VAV3: variants seen among roughly 807,000 people sequenced by gnomAD.
VAV3 encodes the protein guanine nucleotide exchange factor VAV3.
VAV3 carries 94 observed loss-of-function variants against 131.2 expected under a neutral mutation model. That is an observed-to-expected ratio of 0.72 (90% CI 0.61 to 0.85). The LOEUF is 0.85. Among genes scored for constraint, VAV3 ranks in the 40% least tolerant of loss-of-function variants. The pLI is 0.00. For synonymous variants in VAV3, 349 were observed against 342.0 expected, an observed-to-expected ratio of 1.02 and a Z score of -0.22; for missense variants, 939 against 1,002.7, an observed-to-expected ratio of 0.94 and a Z score of 0.86.
intron 15 of VAV3, among the ~76,000 whole-genome samples, chr1:107,726,655 G>C (rs531775868): frequency 6.6e-6 from 1 of 152,174 alleles, no homozygotes; most frequent in African/African-American, 2.4e-5. Context: ...TGCAAGATAC[G>C]ATATGTTTTA....
intron 24 of VAV3, among the ~76,000 whole-genome samples, chr1:107,597,238 A>G (rs1167333900): frequency 2.0e-5 from 3 of 151,564 alleles, no homozygotes; most frequent in Admixed American, 1.3e-4. Flanking sequence ...AAAAAAAAAA[A>G]ACAGAAAAAA....
At chr1:107,578,154 T>C (rs1172140398) in intron 25 of VAV3, among the ~76,000 whole-genome samples, 2 of 152,204 alleles carry the variant, frequency 1.3e-5, no homozygotes, top group Admixed American at 6.5e-5. Flanking sequence ...TTAGTTATTC[T>C]TAGAATCAAT....
intron 1 of VAV3, among the ~76,000 whole-genome samples, chr1:107,876,785 T>C (rs1421106889): frequency 6.6e-6 from 1 of 152,106 alleles, no homozygotes; most frequent in Non-Finnish European, 1.5e-5. Flanking sequence ...TTTAAATAGA[T>C]GCATTTTATT....
At chr1:107,746,205 A>T (rs1214606086) in intron 15 of VAV3, among the ~76,000 whole-genome samples, 1 of 152,206 alleles carries the variant, frequency 6.6e-6, no homozygotes, top group African/African-American at 2.4e-5. Flanking sequence ...GCTTTCCTAC[A>T]TGATGAACTT....
At chr1:107,847,351 C>T (rs762492661) in intron 2 of VAV3, among the ~76,000 whole-genome samples, 4 of 151,942 alleles carry the variant, frequency 2.6e-5, no homozygotes, top group Admixed American at 2.6e-4. Flanking sequence ...CCTAATATCA[C>T]GGTTAAAAGA....
intron 4 of VAV3, among the ~76,000 whole-genome samples, chr1:107,776,843 C>T (rs1164507721): frequency 1.3e-5 from 2 of 152,162 alleles, no homozygotes; most frequent in African/African-American, 2.4e-5. Context: ...TAAAACATCC[C>T]GAATAGCTCC....
At chr1:107,673,110 A>C (rs956352728) in intron 19 of VAV3, among the ~76,000 whole-genome samples, 1 of 152,236 alleles carries the variant, frequency 6.6e-6, no homozygotes, top group Non-Finnish European at 1.5e-5. Flanking sequence ...ATTTATAAAA[A>C]TAAAAATTAG....
rs566590137 is a variant in VAV3 at position 107,937,442 on chromosome 1, T to C, written c.204+27224A>G. Among the ~76,000 whole-genome samples, 6 of 152,340 alleles carry C rather than the reference T, an allele frequency of 3.9e-5. No individual in the cohort carries two copies. The East Asian group carries it at 1.2e-3, about 29-fold the overall frequency. On this transcript the variant is annotated intron_variant, in intron 1 of 26. Coordinates refer to ENST00000370056, the MANE Select transcript of VAV3 (RefSeq NM_006113.5). Reference sequence around the variant, plus strand: ...AAATACCAGTATGTCATTTCCTTCCTGCTGGACTCCATGGTTTCTGGAGGA... The same window carrying C: ...AAATACCAGTATGTCATTTCCTTCCCGCTGGACTCCATGGTTTCTGGAGGA...
At chr1:107,736,516 G>A (rs1301897254) in intron 15 of VAV3, among the ~76,000 whole-genome samples, 1 of 152,128 alleles carries the variant, frequency 6.6e-6, no homozygotes, top group African/African-American at 2.4e-5. Context: ...AAAGTCTCAG[G>A]ATACAAAATC....
intron 2 of VAV3, among the ~76,000 whole-genome samples, chr1:107,842,967 A>C (rs1003396409): frequency 6.6e-6 from 1 of 152,154 alleles, no homozygotes; most frequent in African/African-American, 2.4e-5. Flanking sequence ...ATCTATGATG[A>C]GAGCAGAAGC....
chr1:107,912,648 T>C lies in VAV3; in HGVS notation c.205-37631A>G, dbSNP rs565616292. On this transcript the variant is annotated intron_variant, in intron 1 of 26. Transcript: ENST00000370056. ...CTCACTTCACAAATATTAAGCACCA[T>C]GTAAGTTAGATCTAATTTTCTTAAG... Among the ~76,000 whole-genome samples, 3 of 152,316 alleles carry C rather than the reference T, an allele frequency of 2.0e-5. No homozygotes were observed. The East Asian group carries it at 5.8e-4, about 29-fold the overall frequency.
intron 2 of VAV3, among the ~76,000 whole-genome samples, chr1:107,791,383 T>G (rs1306840343): frequency 5.5e-5 from 1 of 18,146 alleles, no homozygotes; most frequent in African/African-American, 9.6e-5. Context: ...TTTGGTGATA[T>G]CAAAAAAAAA....
intron 17 of VAV3, among the ~76,000 whole-genome samples, chr1:107,701,653 C>T (rs9730466): frequency 0.55 from 83,213 of 151,898 alleles, 24,062 homozygotes; most frequent in Non-Finnish European, 0.63. Flanking sequence ...GCTGCAAATT[C>T]TCCAACCTTT....
intron 2 of VAV3, among the ~76,000 whole-genome samples, chr1:107,858,544 G>A (rs1186453462): frequency 6.6e-6 from 1 of 152,182 alleles, no homozygotes; most frequent in Non-Finnish European, 1.5e-5. Context: ...GCTCTGCCTA[G>A]AGTCAGATCA....
rs573269640 is a variant in VAV3 at position 107,622,989 on chromosome 1, A to G, written c.1915-5357T>C. 2.0e-5 allele frequency among the ~76,000 whole-genome samples: 3 copies of G among 152,330 alleles called. No homozygotes were observed. The East Asian group carries it at 5.8e-4, about 29-fold the overall frequency. On this transcript the variant is annotated intron_variant, in intron 20 of 26. Coordinates refer to ENST00000370056, the MANE Select transcript of VAV3 (RefSeq NM_006113.5). ...TGAGGACATGCAATAAAAGAAAAAA[A>G]CCAGCAAAGAGGAAGTGATCAGGAA...
chr1:107,574,349 G>T, intron 25 of VAV3, 151 bp from the exon 26 acceptor site: 1 of 939,304 alleles, frequency 1.1e-6, no homozygotes, highest in Non-Finnish European at 1.5e-6. Flanking sequence ...GAAAGCAGCA[G>T]AATTGCTGTT....
In VAV3 at chr1:107,881,528, G is replaced by T. The variant is rs540518144; in HGVS notation, c.205-6511C>A. Among the ~76,000 whole-genome samples, 5 of 152,240 alleles carry T rather than the reference G, an allele frequency of 3.3e-5. No homozygotes were observed. The East Asian group carries it at 9.6e-4, about 29-fold the overall frequency. On this transcript the variant is annotated intron_variant, in intron 1 of 26. Coordinates refer to ENST00000370056, the MANE Select transcript of VAV3 (RefSeq NM_006113.5). ...TAGATGCTGCCTAGCCTCTCTCTCA[G>T]GTATATCCAGTGAAAAGTGATGTAT...
At chr1:107,720,099 T>C (rs545351483) in intron 15 of VAV3, among the ~76,000 whole-genome samples, 34 of 152,094 alleles carry the variant, frequency 2.2e-4, no homozygotes, top group Middle Eastern at 3.4e-3. Context: ...TTAGGAGAAA[T>C]ACCTAATGTA....
At chr1:107,964,620 T>C (rs1404770993) in intron 1 of VAV3, 46 bp downstream of exon 1, 13 of 1,588,128 alleles carry the variant, frequency 8.2e-6, no homozygotes, top group African/African-American at 1.3e-5. Flanking sequence ...GCATGATTAA[T>C]GGGAGCTGCC....
Sources: allele counts gnomAD v4.1 joint callset (sites outside exome capture counted in the v4.1 genomes callset), GRCh38; gene constraint gnomAD v4.1.1; transcripts MANE v1.5; gene names NCBI Gene and HGNC (gene_info 2026-07-23, HGNC 2026-07-21).